MIIP: variants seen among roughly 807,000 people sequenced by gnomAD.
The protein encoded by MIIP is migration and invasion-inhibitory protein.
MIIP carries 44 observed loss-of-function variants against 44.8 expected under a neutral mutation model. The observed-to-expected ratio is 0.98, with a 90% CI of 0.77 to 1.26. MIIP has a LOEUF of 1.26. Among genes scored for constraint, MIIP ranks in the 50% most tolerant of loss-of-function variants. MIIP has a pLI of 0.00. For synonymous variants in MIIP, 225 were observed against 218.3 expected (o/e 1.03, Z -0.27); for missense variants, 496 against 511.7 (o/e 0.97, Z 0.30).
Position 12,021,774 on chromosome 1 carries a change from G to A in MIIP, c.48G>A (p.Glu16=). 1.9e-6 allele frequency: 3 copies of A among 1,613,144 alleles called. No homozygotes were observed. The highest frequency in any genetic ancestry group is 1.7e-6 in the Non-Finnish European group (2 of 1,179,990). The change falls in exon 2 of 10, where the codon GAG becomes GAA. Residue 16 remains glutamate, a synonymous_variant. Transcript: ENST00000235332. The part of the protein sequence containing the change: ...ELAQLRLLNL[E]LLRQLWVGQD... The stretch of plus-strand genomic sequence containing the variant: ...CACAGCTGCGGCTGCTCAATCTGGA[G>A]CTCCTGAGGCAGCTGTGGGTGGGGC...
At chr1:12,019,753 G>T (rs1041930138) in intron 1 of MIIP, among the ~76,000 whole-genome samples, 4 of 152,268 alleles carry the variant, frequency 2.6e-5, no homozygotes, top group Admixed American at 6.5e-5. Context: ...TCGCTTTCCC[G>T]GTGTCTCCGC....
chr1:12,029,043 C>A lies in MIIP; in HGVS notation c.558C>A (p.Asp186Glu). ...LGYDWIAGSL[D>E]TSSSITSQPE... ...CTTTGCCCACACCAGGGTCTCTGGACACCAGCTCTTCCATCACCAGCCAGC... is the reference window on the plus strand; with the variant it reads ...CTTTGCCCACACCAGGGTCTCTGGAAACCAGCTCTTCCATCACCAGCCAGC... The change falls in exon 5 of 10, where the codon GAC becomes GAA. Residue 186 changes from aspartate (D) to glutamate (E), a missense_variant. Physicochemically the swap from Asp to Glu is conservative, Grantham distance 45. Transcript: ENST00000235332. The A allele has an allele frequency of 6.2e-7, 1 of 1,614,050 alleles. No individual in the cohort carries two copies. The highest frequency in any genetic ancestry group is 1.1e-5 in the South Asian group (1 of 91,082).
Position 12,022,401 on chromosome 1 carries a change from AC to A in MIIP, c.425del (p.Pro142ArgfsTer16). ...TGATCCAGGACCCCAGGAGGCACAG[AC>A]CCCGAGGTCCATCCTGGCTCAACAG... Reference protein sequence around the residue: ...LGDPGPQEAQTPRSILAQQSK... With the variant: ...LGDPGPQEAQXPRSILAQQSK... On this transcript the variant is annotated frameshift_variant, in exon 3 of 10. Transcript: ENST00000235332. LOFTEE classifies it high-confidence loss of function. The A allele has an allele frequency of 6.2e-7, 1 of 1,602,696 alleles. No homozygotes were observed. Among genetic ancestry groups the A allele is most frequent in the Non-Finnish European group, 8.5e-7 (1 of 1,175,302 alleles).
intron 1 of MIIP, among the ~76,000 whole-genome samples, chr1:12,019,792 G>A (rs1214112118): frequency 6.6e-6 from 1 of 152,270 alleles, no homozygotes; most frequent in East Asian, 1.9e-4. Flanking sequence ...AAGCGCGGCC[G>A]GGGCCAGGGG....
rs938880396 is a variant in MIIP, at chr1:12,031,472, G to A, written c.1080+69G>A. The A allele has an allele frequency of 5.1e-6, 8 of 1,575,762 alleles. 2 individuals carry two copies. The South Asian group carries it at 9.3e-5, about 18-fold the overall frequency. On this transcript the variant is annotated intron_variant, in intron 9 of 9. Transcript: ENST00000235332. ...GACAGAGACCTCGCAGCAGGCCTGG[G>A]GACTGCAGAGCCTCCTGGGGGGTAG... is the stretch of plus-strand genomic sequence containing the variant.
At chr1:12,020,674 CTAAT>C (rs1049423323) in intron 1 of MIIP, among the ~76,000 whole-genome samples, 5 of 151,986 alleles carry the variant, frequency 3.3e-5, no homozygotes, top group Non-Finnish European at 5.9e-5. Context: ...CCACACCCGG[CTAAT>C]TGTTTGTTGT....
At chr1:12,030,212 T>C in intron 8 of MIIP, 88 bp downstream of exon 8, 1 of 1,303,880 alleles carries the variant, frequency 7.7e-7, no homozygotes, top group Non-Finnish European at 1.1e-6. Flanking sequence ...AGAGCGAGAC[T>C]GGGCTCGACA....
intron 4 of MIIP, among the ~76,000 whole-genome samples, chr1:12,028,187 A>G (rs1386861117): frequency 6.6e-6 from 1 of 152,206 alleles, no homozygotes; most frequent in Admixed American, 6.5e-5. Flanking sequence ...ACCCTGGGCA[A>G]CACGGTGAGA....
rs1366656595 is a variant in MIIP, at chr1:12,021,798, G to A, written c.72G>A (p.Gly24=). ...AGCTCCTGAGGCAGCTGTGGGTGGG[G>A]CAGGATGCTGTGCGGCGGTCAGTGG... The part of the protein sequence containing the change: ...NLELLRQLWV[G]QDAVRRSVAR... Residue 24 remains glycine, a synonymous_variant, in exon 2 of 10, where the codon GGG becomes GGA. Coordinates refer to ENST00000235332, the MANE Select transcript of MIIP (RefSeq NM_021933.4). 1 of 1,612,524 alleles carries A rather than the reference G, an allele frequency of 6.2e-7. No individual in the cohort carries two copies. The highest frequency in any genetic ancestry group is 8.5e-7 in the Non-Finnish European group (1 of 1,179,948).
At chr1:12,022,029 C>T in intron 2 of MIIP, 66 bp from the exon 3 acceptor site, 2 of 1,528,844 alleles carry the variant, frequency 1.3e-6, no homozygotes, top group Non-Finnish European at 1.8e-6. Flanking sequence ...TGCCTTGGTG[C>T]CTGGCGTAGG....
At chr1:12,023,169 T>C (rs1640021519) in intron 4 of MIIP, among the ~76,000 whole-genome samples, 1 of 150,754 alleles carries the variant, frequency 6.6e-6, no homozygotes, top group African/African-American at 2.4e-5. Context: ...GTTCAAGTGA[T>C]TCTCATCCCT....
At chr1:12,023,381 CTTATTTATTTATTTATTTAT>C (rs71568382) in intron 4 of MIIP, among the ~76,000 whole-genome samples, 2 of 140,158 alleles carry the variant, frequency 1.4e-5, no homozygotes, top group African/African-American at 2.6e-5. Context: ...TCTTTGTTTT[CTTATTTATTTATTTATTTAT>C]TTATTTATTT....
chr1:12,028,713 C>A (rs1331256262), intron 4 of MIIP: 1 of 281,878 alleles, frequency 3.5e-6, no homozygotes, highest in Non-Finnish European at 6.8e-6. Context: ...CTCTTGCCAC[C>A]TTACAGTGTA....
rs1363816573 is a variant in MIIP, at chr1:12,019,499, A to G, written c.-136A>G. ...AAGACGGCCGGCCGAGGCCCCTGGA[A>G]CGGCTCAGGCGGCTGCGGCTGCTAC... On this transcript the variant is annotated 5_prime_UTR_variant, in exon 1 of 10. Coordinates refer to ENST00000235332, the MANE Select transcript of MIIP (RefSeq NM_021933.4). The G allele has an allele frequency of 6.5e-6, 1 of 152,718 alleles. No individual in the cohort carries two copies. Among genetic ancestry groups the G allele is most frequent in the Non-Finnish European group, 1.5e-5 (1 of 68,446 alleles). 9.5% of individuals were successfully genotyped at this position (152,718 alleles called of 1,614,324 possible).
In MIIP at chr1:12,030,080, C is replaced by G. The variant is rs541833150; in HGVS notation, c.898C>G (p.Arg300Gly). ...LEPPHRYHIH[R>G]RKSFDASDTL... ...GCCCCCGCACCGGTACCACATCCAC[C>G]GGCGAAAGAGCTTTGACGCCTCTGA... Residue 300 changes from arginine to glycine, a missense_variant, in exon 8 of 10, where the codon CGG (arginine) becomes GGG (glycine). Arg to Gly is a moderately radical substitution (Grantham distance 125). Coordinates refer to ENST00000235332, the MANE Select transcript of MIIP (RefSeq NM_021933.4). 4.3e-6 allele frequency: 7 copies of G among 1,613,326 alleles called. No individual in the cohort carries two copies. In the Admixed American group the frequency reaches 1.0e-4, roughly 23 times the overall value.
rs770879855 is a variant in MIIP, at chr1:12,030,143, C to A, written c.942+19C>A. 6.2e-7 allele frequency: 1 copy of A among 1,609,584 alleles called. No homozygotes were observed. The highest frequency in any genetic ancestry group is 1.7e-5 in the Admixed American group (1 of 59,996). ...GCCCCGGGTGAGCAGCCACGTGGGG[C>A]TGGATGGTGATGAGGGCGGGGCTGG... is the stretch of plus-strand genomic sequence containing the variant. On this transcript the variant is annotated intron_variant, in intron 8 of 9. Transcript: ENST00000235332.
At chr1:12,028,795 G>A in intron 4 of MIIP, 1 of 546,974 alleles carries the variant, frequency 1.8e-6, no homozygotes, top group Non-Finnish European at 3.3e-6. Flanking sequence ...CCTGTCATAA[G>A]GGCTCTGTCG....
chr1:12,021,585 G>A, intron 1 of MIIP, 60 bp from the exon 2 acceptor site: 2 of 671,540 alleles, frequency 3.0e-6, no homozygotes, highest in Admixed American at 4.9e-5. Flanking sequence ...GTGTCGAATG[G>A]GGGTCTCTGG....
intron 4 of MIIP, among the ~76,000 whole-genome samples, chr1:12,025,035 T>TG (rs1164743487): frequency 1.3e-5 from 2 of 149,784 alleles, no homozygotes; most frequent in Admixed American, 6.6e-5. Flanking sequence ...TTCCTTTTTT[T>TG]TTTTGTTTTT....
Sources: gnomAD v4.1 joint callset for allele counts (sites outside exome capture counted in the v4.1 genomes callset) on GRCh38, gnomAD v4.1.1 for gene constraint, MANE v1.5 for transcripts, NCBI Gene and HGNC (gene_info 2026-07-23, HGNC 2026-07-21) for gene names.